Variants in TMEM202 observed in about 807,000 individuals in gnomAD.
The protein encoded by TMEM202 is transmembrane protein 202.
Under a neutral mutation model 26.1 loss-of-function variants are expected in TMEM202, and 25 were observed. The observed-to-expected ratio is 0.96, with a 90% CI of 0.70 to 1.34. TMEM202 has a LOEUF of 1.34. Among genes scored for constraint, TMEM202 ranks in the 40% most tolerant of loss-of-function variants. TMEM202 has a pLI of 0.00. For missense variants in TMEM202, 301 were observed against 327.7 expected (o/e 0.92, Z 0.63); for synonymous variants, 122 against 119.0 (o/e 1.02, Z -0.16).
intron 2 of TMEM202, among the ~76,000 whole-genome samples, chr15:72,400,209 T>G (rs1203733222): frequency 1.3e-5 from 2 of 152,216 alleles, no homozygotes; most frequent in African/African-American, 4.8e-5. Context: ...ATAAGTTCTT[T>G]TTGAACAGAC....
At chr15:72,402,998 G>A (rs1249287347) in intron 2 of TMEM202, among the ~76,000 whole-genome samples, 2 of 152,032 alleles carry the variant, frequency 1.3e-5, no homozygotes, top group Admixed American at 6.6e-5. Flanking sequence ...TGGCAGCAGC[G>A]TGGAAGTTCA....
intron 2 of TMEM202, 57 bp downstream of exon 2, chr15:72,398,965 C>T: frequency 6.4e-7 from 1 of 1,560,890 alleles, no homozygotes; most frequent in South Asian, 1.2e-5. Flanking sequence ...GCTTTCTGCT[C>T]ACACAAATTG....
At position 72,407,112 on chromosome 15, in the gene TMEM202, C is replaced by T. The variant is rs1831504982; in HGVS notation, c.514C>T (p.Leu172=). The T allele has an allele frequency of 6.2e-7, 1 of 1,612,816 alleles. No individual in the cohort carries two copies. The highest frequency in any genetic ancestry group is 8.5e-7 in the Non-Finnish European group (1 of 1,179,788). ...TACCTGCTTGCTCCTCTGCCTCAAC[C>T]TGTTTGTGGCACAGGTTCACTGGCA... The part of the protein sequence containing the change: ...SATCLLLCLN[L]FVAQVHWHTR... The change falls in exon 4 of 5, where the codon CTG becomes TTG. Residue 172 remains leucine, a synonymous_variant. Coordinates refer to ENST00000341689, the MANE Select transcript of TMEM202 (RefSeq NM_001080462.3).
intron 2 of TMEM202, among the ~76,000 whole-genome samples, chr15:72,406,330 T>A (rs933636928): frequency 9.2e-5 from 14 of 152,194 alleles, no homozygotes; most frequent in African/African-American, 3.1e-4. Context: ...GAATTAGAAT[T>A]AGAAACAAGA....
chr15:72,402,178 C>G (rs2063550536), intron 2 of TMEM202, among the ~76,000 whole-genome samples: 1 of 152,080 alleles, frequency 6.6e-6, no homozygotes, highest in Admixed American at 6.5e-5. Flanking sequence ...GTTAGCCAGG[C>G]AGGTCTTGAA....
In TMEM202 at chr15:72,398,834, G is replaced by T; in HGVS notation, c.263G>T (p.Gly88Val). The part of the protein sequence containing the change: ...NWVQFLVIKN[G>V]LELYAGLWTL... ...GTACAGTTTCTGGTGATCAAGAATG[G>T]CCTTGAGCTCTACGCAGGACTCTGG... Residue 88 changes from glycine (G) to valine (V), a missense_variant, in exon 2 of 5, where the codon GGC (glycine) becomes GTC (valine). Physicochemically the swap from Gly to Val is moderately radical, Grantham distance 109 (BLOSUM62 -3). Transcript: ENST00000341689. 4.3e-6 allele frequency: 7 copies of T among 1,614,134 alleles called. No homozygotes were observed. The highest frequency in any genetic ancestry group is 5.9e-6 in the Non-Finnish European group (7 of 1,180,030).
At chr15:72,403,448 A>C (rs907347747) in intron 2 of TMEM202, among the ~76,000 whole-genome samples, 1 of 152,240 alleles carries the variant, frequency 6.6e-6, no homozygotes, top group Non-Finnish European at 1.5e-5. Context: ...GCATCAAAGT[A>C]TATCAGTAAG....
At chr15:72,401,508 A>T (rs1230764643) in intron 2 of TMEM202, among the ~76,000 whole-genome samples, 1 of 152,086 alleles carries the variant, frequency 6.6e-6, no homozygotes, top group Non-Finnish European at 1.5e-5. Context: ...GAGCTACTGT[A>T]CTCTAGCCTG....
chr15:72,406,535 C>A, intron 2 of TMEM202, 67 bp from the exon 3 acceptor site: 1 of 1,332,092 alleles, frequency 7.5e-7, no homozygotes, highest in African/African-American at 1.5e-5. Context: ...AAGACTCTAT[C>A]TGGCCTTTTT....
At position 72,398,425 on chromosome 15, in the gene TMEM202, T is replaced by C; in HGVS notation, c.81+18T>C. 1 of 1,594,464 alleles carries C rather than the reference T, an allele frequency of 6.3e-7. No individual in the cohort carries two copies. The highest frequency in any genetic ancestry group is 1.1e-5 in the South Asian group (1 of 88,294). On this transcript the variant is annotated intron_variant, in intron 1 of 4. Transcript: ENST00000341689. The stretch of plus-strand genomic sequence containing the variant: ...ACCAAAGGGTGAGGAGGTATCTAAT[T>C]GAAAGTCAGATGGGAAGAAGAGAAC...
At chr15:72,405,204 A>G (rs566010342) in intron 2 of TMEM202, among the ~76,000 whole-genome samples, 4 of 152,312 alleles carry the variant, frequency 2.6e-5, no homozygotes, top group African/African-American at 7.2e-5. Context: ...TCTTAGGCAT[A>G]TAAGTGGTTA....
chr15:72,406,955 G>A, intron 3 of TMEM202, 131 bp from the exon 4 acceptor site: 3 of 1,322,708 alleles, frequency 2.3e-6, no homozygotes, highest in Admixed American at 2.3e-5. Flanking sequence ...TCTCATCTTG[G>A]TCAGTCCCCA....
intron 2 of TMEM202, among the ~76,000 whole-genome samples, chr15:72,404,992 G>A (rs1224429278): frequency 6.6e-6 from 1 of 152,162 alleles, no homozygotes; most frequent in African/African-American, 2.4e-5. Flanking sequence ...ATGTTTTAAT[G>A]TGGCTCACTT....
chr15:72,398,814 G>T lies in TMEM202; in HGVS notation c.243G>T (p.Gln81His). 1 of 1,614,188 alleles carries T rather than the reference G, an allele frequency of 6.2e-7. No homozygotes were observed. The highest frequency in any genetic ancestry group is 2.2e-5 in the East Asian group (1 of 44,884). The change falls in exon 2 of 5, where the codon CAG becomes CAT. Residue 81 changes from glutamine (Q) to histidine (H), a missense_variant. Physicochemically the swap from Gln to His is conservative, Grantham distance 24 (BLOSUM62 0). Transcript: ENST00000341689. ...CCATGTCCCCACTGAACTGGGTACA[G>T]TTTCTGGTGATCAAGAATGGCCTTG... ...LIAMSPLNWV[Q>H]FLVIKNGLEL...
chr15:72,403,440 A>G (rs2063557708), intron 2 of TMEM202, among the ~76,000 whole-genome samples: 1 of 152,248 alleles, frequency 6.6e-6, no homozygotes. Flanking sequence ...TTAAGTCTGC[A>G]TCAAAGTATA....
At chr15:72,401,010 G>A (rs1417196228) in intron 2 of TMEM202, among the ~76,000 whole-genome samples, 1 of 152,134 alleles carries the variant, frequency 6.6e-6, no homozygotes, top group African/African-American at 2.4e-5. Context: ...TGGTGGGAGT[G>A]TCTTTTAGTA....
chr15:72,399,237 A>C (rs1215624779), intron 2 of TMEM202, among the ~76,000 whole-genome samples: 1 of 152,232 alleles, frequency 6.6e-6, no homozygotes, highest in African/African-American at 2.4e-5. Context: ...TCCAGGACTC[A>C]AGCAATCTTC....
At chr15:72,402,114 C>T (rs182669948) in intron 2 of TMEM202, among the ~76,000 whole-genome samples, 17 of 152,066 alleles carry the variant, frequency 1.1e-4, no homozygotes, top group South Asian at 6.2e-4. Context: ...TACAGGTGTG[C>T]GCCACTGCAC....
rs1203993477 is a variant in TMEM202, at chr15:72,407,704, T to C, written c.633T>C (p.Leu211=). ...IFYMFAGIIS[L]LNYLTSRSPA... ...CCCTTCCCGTAGGGATCATCTCTCT[T>C]CTCAACTACTTAACTTCCAGATCGC... Residue 211 remains leucine (L), a synonymous_variant, in exon 5 of 5, where the codon CTT becomes CTC. Coordinates refer to ENST00000341689, the MANE Select transcript of TMEM202 (RefSeq NM_001080462.3). The C allele has an allele frequency of 6.2e-7, 1 of 1,613,894 alleles. No individual in the cohort carries two copies. The highest frequency in any genetic ancestry group is 8.5e-7 in the Non-Finnish European group (1 of 1,179,824).
Sources: allele counts gnomAD v4.1 joint callset (sites outside exome capture counted in the v4.1 genomes callset), GRCh38; gene constraint gnomAD v4.1.1; transcripts MANE v1.5; gene names NCBI Gene and HGNC (gene_info 2026-07-23, HGNC 2026-07-21).